Variants in NRXN1 observed in about 807,000 individuals in gnomAD.
NRXN1 encodes the protein neurexin-1.
NRXN1 carries 39 observed loss-of-function variants against 150.9 expected under a neutral mutation model. That is an observed-to-expected ratio of 0.26 (90% CI 0.20 to 0.34). NRXN1 has a LOEUF of 0.34. Ranked by LOEUF, NRXN1 falls within the 10% of genes least tolerant of loss-of-function variation. The probability of loss-of-function intolerance (pLI) is 1.00; values close to 1 mark genes in which losing one functional copy is unlikely to be tolerated. For synonymous variants in NRXN1, 924 were observed against 757.0 expected (o/e 1.22, Z -3.62); for missense variants, 1,815 against 1,949.9 (o/e 0.93, Z 1.30).
chr2:51,022,355 G>C (rs958687528), intron 2 of NRXN1, among the ~76,000 whole-genome samples: 1 of 152,034 alleles, frequency 6.6e-6, no homozygotes, highest in Admixed American at 6.6e-5. Context: ...GTTTGAGTTT[G>C]CCACTTGAAA....
At chr2:50,330,754 T>C (rs1445386073) in intron 17 of NRXN1, among the ~76,000 whole-genome samples, 3 of 152,220 alleles carry the variant, frequency 2.0e-5, no homozygotes, top group South Asian at 4.1e-4. Context: ...TTTACTGCCA[T>C]AGGAATTACC....
At chr2:50,862,302 G>A (rs1430043142) in intron 5 of NRXN1, among the ~76,000 whole-genome samples, 2 of 151,852 alleles carry the variant, frequency 1.3e-5, no homozygotes, top group African/African-American at 4.8e-5. Context: ...TTTATTCAGT[G>A]GTATCATAAA....
rs892766629 is a variant in NRXN1 at position 50,719,064 on chromosome 2, A to C, written c.833-95449T>G. On this transcript the variant is annotated intron_variant, in intron 5 of 22. Transcript: ENST00000401669. ...ATATTAAAATCCTACAACTTCCACC[A>C]TTGTGAATGCACTAAAACACATTCA... Among the ~76,000 whole-genome samples the C allele has an allele frequency of 4.0e-5, 6 of 151,424 alleles. No individual in the cohort carries two copies. The South Asian group carries it at 6.2e-4, about 16-fold the overall frequency.
intron 18 of NRXN1, among the ~76,000 whole-genome samples, chr2:50,109,136 AATT>A (rs1422585202): frequency 6.6e-6 from 1 of 152,162 alleles, no homozygotes; most frequent in Non-Finnish European, 1.5e-5. Context: ...ATACATTAAA[AATT>A]ATTATGTTAT....
chr2:50,402,531 T>A (rs1336648138), intron 17 of NRXN1, among the ~76,000 whole-genome samples: 1 of 152,136 alleles, frequency 6.6e-6, no homozygotes, highest in Non-Finnish European at 1.5e-5. Flanking sequence ...GCTGAATTCC[T>A]ATGCCATAGT....
At chr2:50,233,609 T>C (rs1177052727) in intron 18 of NRXN1, among the ~76,000 whole-genome samples, 6 of 152,108 alleles carry the variant, frequency 3.9e-5, no homozygotes, top group African/African-American at 1.4e-4. Context: ...AAATATTAAA[T>C]CTGATCAGTA....
At chr2:50,754,201 A>G (rs960987996) in intron 5 of NRXN1, among the ~76,000 whole-genome samples, 1 of 151,920 alleles carries the variant, frequency 6.6e-6, no homozygotes, top group Non-Finnish European at 1.5e-5. Context: ...AATCAAACCT[A>G]TGTGAGAGAT....
In NRXN1 at chr2:50,347,803, T is replaced by C. The variant is rs2152998682; in HGVS notation, c.3365-110833A>G. On this transcript the variant is annotated intron_variant, in intron 17 of 22. Coordinates refer to ENST00000401669, the MANE Select transcript of NRXN1 (RefSeq NM_001330078.2). This position sits in a 1 kb window ranked among gnomAD's most constrained non-coding sequence, Gnocchi z 4.9. ...GGTGAAGCAAGGGGCTCTATGCAAATCTGCAGTCTCCAAACAGCAAATCAC... is the reference window on the plus strand; with the variant it reads ...GGTGAAGCAAGGGGCTCTATGCAAACCTGCAGTCTCCAAACAGCAAATCAC... 1.0e-6 allele frequency: 1 copy of C among 985,790 alleles called. No individual in the cohort carries two copies. The highest frequency in any genetic ancestry group is 1.2e-6 in the Non-Finnish European group (1 of 830,246). 61.1% of individuals were successfully genotyped at this position (985,790 alleles called of 1,614,324 possible). A position where few individuals can be genotyped will look rare whatever the true frequency, so the allele number is the denominator to read the frequency against.
At chr2:50,036,668 T>C (rs1690092677) in intron 21 of NRXN1, among the ~76,000 whole-genome samples, 2 of 152,178 alleles carry the variant, frequency 1.3e-5, no homozygotes, top group Admixed American at 6.5e-5. Flanking sequence ...TTGCAATTCC[T>C]CTCCTTGAAT....
chr2:49,947,817 T>C (rs911128794), intron 21 of NRXN1, among the ~76,000 whole-genome samples: 5 of 152,090 alleles, frequency 3.3e-5, no homozygotes, highest in Admixed American at 3.3e-4. Flanking sequence ...TAATAGTATC[T>C]ATTGTTACAA....
intron 18 of NRXN1, among the ~76,000 whole-genome samples, chr2:50,217,217 AAT>A (rs760140316): frequency 5.3e-5 from 8 of 152,116 alleles, no homozygotes; most frequent in Non-Finnish European, 1.2e-4. Flanking sequence ...GACCAAAATA[AAT>A]ATGTTTTACA....
chr2:50,683,231 G>T (rs1690675002), intron 5 of NRXN1, among the ~76,000 whole-genome samples: 1 of 152,016 alleles, frequency 6.6e-6, no homozygotes, highest in African/African-American at 2.4e-5. Context: ...ACGAACCACA[G>T]AGGATCAGAG....
chr2:50,551,074 A>AGAAGAAGAAGAAGAAGAGGAGGAG (rs1553775804), intron 9 of NRXN1, among the ~76,000 whole-genome samples: 4 of 110,688 alleles, frequency 3.6e-5, no homozygotes, highest in African/African-American at 1.4e-4. Flanking sequence ...AAGAAGAAGA[A>AGAAGAAGAAGAAGAAGAGGAGGAG]GAGGAGGAGG....
intron 2 of NRXN1, among the ~76,000 whole-genome samples, chr2:50,975,466 A>T: frequency 6.6e-6 from 1 of 152,136 alleles, no homozygotes; most frequent in South Asian, 2.1e-4. Flanking sequence ...AACTGGCACC[A>T]AATGTCTTAC....
chr2:50,709,011 A>T (rs1033746507), intron 5 of NRXN1, among the ~76,000 whole-genome samples: 18 of 152,230 alleles, frequency 1.2e-4, no homozygotes, highest in Middle Eastern at 3.4e-3. Context: ...CTGATTTCTA[A>T]CAGGGACTGT....
At chr2:50,418,735 C>T (rs2083744202) in intron 17 of NRXN1, among the ~76,000 whole-genome samples, 1 of 152,038 alleles carries the variant, frequency 6.6e-6, no homozygotes, top group African/African-American at 2.4e-5. Context: ...AATGTTTATG[C>T]TGTAGCAGAG....
chr2:50,260,759 A>G (rs1201440100), intron 17 of NRXN1, among the ~76,000 whole-genome samples: 3 of 151,150 alleles, frequency 2.0e-5, no homozygotes, highest in East Asian at 2.0e-4. Context: ...TCCAAGATGT[A>G]TGAAGAACTA....
At chr2:50,011,770 A>T (rs1685709582) in intron 21 of NRXN1, among the ~76,000 whole-genome samples, 1 of 152,120 alleles carries the variant, frequency 6.6e-6, no homozygotes, top group South Asian at 2.1e-4. Context: ...GAAGACCCTT[A>T]AAGATGGAGA....
chr2:50,959,211 A>G lies in NRXN1; in HGVS notation c.773-33256T>C, dbSNP rs146893808. ...GAAAGCAGTCTGGTAGGTTCTTAAA[A>G]TGTTAAATATACAGTTACCACATGA... is the stretch of plus-strand genomic sequence containing the variant. On this transcript the variant is annotated intron_variant, in intron 2 of 22. Coordinates refer to ENST00000401669, the MANE Select transcript of NRXN1 (RefSeq NM_001330078.2). Among the ~76,000 whole-genome samples, 175 of 152,216 alleles carry G rather than the reference A, an allele frequency of 1.1e-3. 2 individuals are homozygous for G. The highest frequency in any genetic ancestry group is 4.0e-3 in the African/African-American group (166 of 41,552).
Sources: allele counts gnomAD v4.1 joint callset (sites outside exome capture counted in the v4.1 genomes callset), GRCh38; gene constraint gnomAD v4.1.1; non-coding constraint Gnocchi (gnomAD v3.1); transcripts MANE v1.5; gene names NCBI Gene and HGNC (gene_info 2026-07-23, HGNC 2026-07-21).